Variants in LCE6A observed in about 807,000 individuals in gnomAD.
LCE6A encodes the protein late cornified envelope 6A, also known as late cornified envelope protein 6A.
For synonymous variants in LCE6A, 38 were observed against 35.2 expected, an observed-to-expected ratio of 1.08 and a Z score of -0.28; for missense variants, 105 against 95.3, an observed-to-expected ratio of 1.10 and a Z score of -0.42.
chr1:152,843,261 C>T (rs1201403985), intron 1 of LCE6A, among the ~76,000 whole-genome samples: 4 of 149,116 alleles, frequency 2.7e-5, no homozygotes, highest in East Asian at 1.9e-4. Context: ...CAACTAAGTA[C>T]AATTTGTCTT....
At position 152,843,861 on chromosome 1, in the gene LCE6A, T is replaced by G; in HGVS notation, c.*98T>G. The G allele has an allele frequency of 7.2e-7, 1 of 1,382,956 alleles. No individual in the cohort carries two copies. The highest frequency in any genetic ancestry group is 9.6e-7 in the Non-Finnish European group (1 of 1,038,912). 85.7% of individuals were successfully genotyped at this position (1,382,956 alleles called of 1,614,324 possible). Reference sequence around the variant, plus strand: ...AAAGCCAGGCCCTCAACCTCTCATTTGGACTGAGAAACACTTCCTGATCCC... The same window carrying G: ...AAAGCCAGGCCCTCAACCTCTCATTGGGACTGAGAAACACTTCCTGATCCC... On this transcript the variant is annotated 3_prime_UTR_variant, in exon 2 of 2. Transcript: ENST00000431011.
rs1386220860 is a variant in LCE6A at position 152,843,602 on chromosome 1, G to T, written c.82G>T (p.Ala28Ser). 6.4e-7 allele frequency: 1 copy of T among 1,551,418 alleles called. No individual in the cohort carries two copies. The highest frequency in any genetic ancestry group is 8.7e-7 in the Non-Finnish European group (1 of 1,146,858). Residue 28 changes from alanine (A) to serine (S), a missense_variant, in exon 2 of 2, where the codon GCT becomes TCT. Ala to Ser is a moderately conservative substitution (Grantham distance 99). Transcript: ENST00000431011. The stretch of plus-strand genomic sequence containing the variant: ...TCCCCAAAGATCAAACCCCTGCCTA[G>T]CTCCCTACTCGACTCCTTGTGGTGC... ...SPPQRSNPCLAPYSTPCGAPH... is the reference protein window; with the variant it reads ...SPPQRSNPCLSPYSTPCGAPH...
rs577843974 is a variant in LCE6A, at chr1:152,843,577, T to C, written c.57T>C (p.Pro19=). Residue 19 remains proline (P), a synonymous_variant, in exon 2 of 2, where the codon CCT becomes CCC. Coordinates refer to ENST00000431011, the MANE Select transcript of LCE6A (RefSeq NM_001128600.2). Reference sequence around the variant, plus strand: ...CTCCAAATGTTCCCAAATGCTCCCCTCCCCAAAGATCAAACCCCTGCCTAG... The same window carrying C: ...CTCCAAATGTTCCCAAATGCTCCCCCCCCCAAAGATCAAACCCCTGCCTAG... ...WKPPNVPKCS[P]PQRSNPCLAP... The C allele has an allele frequency of 4.3e-5, 66 of 1,550,846 alleles. No individual in the cohort carries two copies. In the African/African-American group the frequency reaches 6.2e-4, roughly 14 times the overall value.
chr1:152,843,448 G>GAAACAGAAGC, intron 1 of LCE6A, 52 bp from the exon 2 acceptor site: 1 of 1,435,122 alleles, frequency 7.0e-7, no homozygotes, highest in East Asian at 2.5e-5. Context: ...GTGGAGGAGA[G>GAAACAGAAGC]AAACAGAAGC....
Position 152,843,692 on chromosome 1 carries a change from C to A in LCE6A, c.172C>A (p.Arg58Ser). ...RPEVQKPRRA[R>S]QKLRCLSRGT... ...TGAGGTTCAGAAGCCTAGGAGGGCT[C>A]GTCAAAAGCTGCGCTGCCTAAGTAG... The change falls in exon 2 of 2, where the codon CGT becomes AGT. Residue 58 changes from arginine (R) to serine (S), a missense_variant. By Grantham distance (110) the Arg-to-Ser change is moderately radical. Transcript: ENST00000431011. 1 of 1,551,434 alleles carries A rather than the reference C, an allele frequency of 6.4e-7. No homozygotes were observed. Among genetic ancestry groups the A allele is most frequent in the Non-Finnish European group, 8.7e-7 (1 of 1,146,854 alleles).
Position 152,843,397 on chromosome 1 carries a change from GGGT to G in LCE6A, c.-21-102_-21-100del, listed in dbSNP as rs1213965532. 3.0e-6 allele frequency: 3 copies of G among 1,002,492 alleles called. No individual in the cohort carries two copies. In the East Asian group the frequency reaches 8.0e-5, roughly 27 times the overall value. The allele number at this position is 1,002,492 out of a possible 1,614,324, so 62.1% of individuals were successfully genotyped here. A position where few individuals can be genotyped will look rare whatever the true frequency, so the allele number is the denominator to read the frequency against. On this transcript the variant is annotated intron_variant, in intron 1 of 1. Transcript: ENST00000431011. ...TTCTCCTCCTGAGATGGAGTTCAGTGGGTTGTAAATGCTGGACTTCATTTTTGA... is the reference window on the plus strand; with the variant it reads ...TTCTCCTCCTGAGATGGAGTTCAGTGTGTAAATGCTGGACTTCATTTTTGA...
Position 152,842,956 on chromosome 1 carries a change from T to C in LCE6A, c.-77T>C, listed in dbSNP as rs1360467994. 5.9e-5 allele frequency: 9 copies of C among 152,324 alleles called. No homozygotes were observed. The highest frequency in any genetic ancestry group is 3.3e-4 in the Admixed American group (5 of 15,290). 9.4% of individuals were successfully genotyped at this position (152,324 alleles called of 1,614,324 possible). Reference sequence around the variant, plus strand: ...AGACACTTGGATGTAGCTCAAGTGCTGCTTAGGCAGTCCTGATCTCTCCTC... The same window carrying C: ...AGACACTTGGATGTAGCTCAAGTGCCGCTTAGGCAGTCCTGATCTCTCCTC... On this transcript the variant is annotated 5_prime_UTR_variant, in exon 1 of 2. Transcript: ENST00000431011.
intron 1 of LCE6A, 137 bp from the exon 2 acceptor site, chr1:152,843,363 A>C (rs902164850): frequency 1.5e-6 from 1 of 661,242 alleles, no homozygotes; most frequent in Non-Finnish European, 2.5e-6. Context: ...AGTCCTTTCA[A>C]GTCCGTTTTT....
At position 152,843,933 on chromosome 1, in the gene LCE6A, C is replaced by G. The variant is rs558969649; in HGVS notation, c.*170C>G. 9.1e-5 allele frequency: 62 copies of G among 683,174 alleles called. No homozygotes were observed. The highest frequency in any genetic ancestry group is 1.3e-4 in the Non-Finnish European group (56 of 422,392). The allele number at this position is 683,174 out of a possible 1,614,324, so 42.3% of individuals were successfully genotyped here. On this transcript the variant is annotated 3_prime_UTR_variant, in exon 2 of 2. Transcript: ENST00000431011. ...TAGGCTGAGCCACGCTGCTACTGCT[C>G]TCTTCCATTCACCCCTTCAGCTCAG...
intron 1 of LCE6A, 121 bp from the exon 2 acceptor site, chr1:152,843,379 C>G: frequency 1.2e-6 from 1 of 823,434 alleles, no homozygotes; most frequent in Non-Finnish European, 1.8e-6. Context: ...TTTTTCTCCT[C>G]CTGAGATGGA....
Position 152,843,757 on chromosome 1 carries a change from C to T in LCE6A, c.237C>T (p.Gly79=), listed in dbSNP as rs985529409. Residue 79 remains glycine (G), a synonymous_variant, in exon 2 of 2, where the codon GGC becomes GGT. Transcript: ENST00000431011. ...TYHCKEEECE[G]D is the part of the protein sequence containing the mutation. ...ACTGCAAAGAGGAAGAGTGTGAAGG[C>T]GACTGAGCCCAGAAGAGTTGAGGCA... is the stretch of plus-strand genomic sequence containing the variant. The T allele has an allele frequency of 5.1e-5, 79 of 1,548,072 alleles. No homozygotes were observed. The highest frequency in any genetic ancestry group is 6.8e-5 in the Non-Finnish European group (78 of 1,144,996).
chr1:152,842,975 TCTC>T lies in LCE6A; in HGVS notation c.-54_-52del, dbSNP rs1647888426. 6.6e-6 allele frequency: 1 copy of T among 152,340 alleles called. No individual in the cohort carries two copies. The highest frequency in any genetic ancestry group is 2.4e-5 in the African/African-American group (1 of 41,422). 9.4% of individuals were successfully genotyped at this position (152,340 alleles called of 1,614,324 possible). ...AAGTGCTGCTTAGGCAGTCCTGATC[TCTC>T]CTCTCGTCTCTTCCCAGGGAGCTGA... On this transcript the variant is annotated 5_prime_UTR_variant, in exon 1 of 2. Coordinates refer to ENST00000431011, the MANE Select transcript of LCE6A (RefSeq NM_001128600.2).
At chr1:152,843,377 C>A in intron 1 of LCE6A, 123 bp from the exon 2 acceptor site, 1 of 797,442 alleles carries the variant, frequency 1.3e-6, no homozygotes. Context: ...CGTTTTTCTC[C>A]TCCTGAGATG....
rs1383628188 is a variant in LCE6A at position 152,843,574 on chromosome 1, C to T, written c.54C>T (p.Ser18=). Residue 18 remains serine (S), a synonymous_variant, in exon 2 of 2, where the codon TCC becomes TCT. Transcript: ENST00000431011. Reference sequence around the variant, plus strand: ...AGCCTCCAAATGTTCCCAAATGCTCCCCTCCCCAAAGATCAAACCCCTGCC... The same window carrying T: ...AGCCTCCAAATGTTCCCAAATGCTCTCCTCCCCAAAGATCAAACCCCTGCC... ...SWKPPNVPKC[S]PPQRSNPCLA... is the part of the protein sequence containing the mutation. The T allele has an allele frequency of 2.6e-5, 41 of 1,550,460 alleles. No homozygotes were observed. The highest frequency in any genetic ancestry group is 3.3e-5 in the Non-Finnish European group (38 of 1,146,470).
intron 1 of LCE6A, 51 bp from the exon 2 acceptor site, chr1:152,843,449 A>T (rs1647904031): frequency 2.8e-6 from 4 of 1,437,118 alleles, no homozygotes; most frequent in Non-Finnish European, 9.2e-7. Flanking sequence ...TGGAGGAGAG[A>T]AACAGAAGCC....
At position 152,843,688 on chromosome 1, in the gene LCE6A, G is replaced by T. The variant is rs1330084336; in HGVS notation, c.168G>T (p.Arg56Ser). 6.4e-7 allele frequency: 1 copy of T among 1,551,480 alleles called. No homozygotes were observed. Among genetic ancestry groups the T allele is most frequent in the Non-Finnish European group, 8.7e-7 (1 of 1,146,870 alleles). The part of the protein sequence containing the change: ...SQRPEVQKPR[R>S]ARQKLRCLSR... ...GGCCTGAGGTTCAGAAGCCTAGGAG[G>T]GCTCGTCAAAAGCTGCGCTGCCTAA... The change falls in exon 2 of 2, where the codon AGG becomes AGT. Residue 56 changes from arginine to serine, a missense_variant. Transcript: ENST00000431011.
At position 152,843,613 on chromosome 1, in the gene LCE6A, G is replaced by C. The variant is rs374998500; in HGVS notation, c.93G>C (p.Ser31=). The C allele has an allele frequency of 6.4e-7, 1 of 1,551,462 alleles. No homozygotes were observed. The highest frequency in any genetic ancestry group is 1.2e-5 in the South Asian group (1 of 84,034). The change falls in exon 2 of 2, where the codon TCG becomes TCC. Residue 31 remains serine (S), a synonymous_variant. Coordinates refer to ENST00000431011, the MANE Select transcript of LCE6A (RefSeq NM_001128600.2). ...CAAACCCCTGCCTAGCTCCCTACTCGACTCCTTGTGGTGCTCCCCATTCAG... is the reference window on the plus strand; with the variant it reads ...CAAACCCCTGCCTAGCTCCCTACTCCACTCCTTGTGGTGCTCCCCATTCAG... The part of the protein sequence containing the change: ...QRSNPCLAPY[S]TPCGAPHSEG...
At position 152,843,962 on chromosome 1, in the gene LCE6A, C is replaced by A. The variant is rs540107122; in HGVS notation, c.*199C>A. The A allele has an allele frequency of 1.5e-5, 8 of 525,818 alleles. No individual in the cohort carries two copies. The highest frequency in any genetic ancestry group is 5.7e-5 in the African/African-American group (3 of 52,740). The allele number at this position is 525,818 out of a possible 1,614,324, so 32.6% of individuals were successfully genotyped here. ...TCCATTCACCCCTTCAGCTCAGCAA[C>A]AATAAAGCTGCTTTACTTGGAGCCC... On this transcript the variant is annotated 3_prime_UTR_variant, in exon 2 of 2. Transcript: ENST00000431011.
rs536060408 is a variant in LCE6A, at chr1:152,843,839, G to C, written c.*76G>C. 302 of 1,456,122 alleles carry C rather than the reference G, an allele frequency of 2.1e-4. 3 individuals carry two copies. The South Asian group carries it at 4.1e-3, about 20-fold the overall frequency. The allele number at this position is 1,456,122 out of a possible 1,614,324, so 90.2% of individuals were successfully genotyped here. A position where few individuals can be genotyped will look rare whatever the true frequency, so the allele number is the denominator to read the frequency against. Reference sequence around the variant, plus strand: ...TTGGGTACTAATTCCCCCTTGGAAAGCCAGGCCCTCAACCTCTCATTTGGA... The same window carrying C: ...TTGGGTACTAATTCCCCCTTGGAAACCCAGGCCCTCAACCTCTCATTTGGA... On this transcript the variant is annotated 3_prime_UTR_variant, in exon 2 of 2. Coordinates refer to ENST00000431011, the MANE Select transcript of LCE6A (RefSeq NM_001128600.2).
Sources: gnomAD v4.1 joint callset for allele counts (sites outside exome capture counted in the v4.1 genomes callset) on GRCh38, gnomAD v4.1.1 for gene constraint, MANE v1.5 for transcripts, NCBI Gene and HGNC (gene_info 2026-07-23, HGNC 2026-07-21) for gene names.